Variants in RBFOX3 observed in about 807,000 individuals in gnomAD.
RBFOX3 encodes the protein RNA binding fox-1 homolog 3.
Under a neutral mutation model 48.7 loss-of-function variants are expected in RBFOX3, and 17 were observed. That is an observed-to-expected ratio of 0.35 (90% CI 0.24 to 0.52). The LOEUF (loss-of-function observed/expected upper bound fraction) is 0.52. Among genes scored for constraint, RBFOX3 ranks in the 20% least tolerant of loss-of-function variants. The probability of loss-of-function intolerance (pLI) is 0.94; values close to 1 mark genes in which losing one functional copy is unlikely to be tolerated. For synonymous variants in RBFOX3, 212 were observed against 209.5 expected (o/e 1.01, Z -0.10); for missense variants, 382 against 497.5 (o/e 0.77, Z 2.21).
chr17:79,175,274 T>G (rs1422591330), intron 4 of RBFOX3, among the ~76,000 whole-genome samples: 1 of 152,232 alleles, frequency 6.6e-6, no homozygotes. Flanking sequence ...ATCCTCGCTC[T>G]TTCACATAAG....
intron 3 of RBFOX3, among the ~76,000 whole-genome samples, chr17:79,298,825 A>C (rs1287352267): frequency 6.6e-6 from 1 of 152,158 alleles, no homozygotes; most frequent in Non-Finnish European, 1.5e-5. Flanking sequence ...ATGAAGTGGA[A>C]GAGGGTGGAG....
intron 2 of RBFOX3, among the ~76,000 whole-genome samples, chr17:79,449,929 A>G (rs550910229): frequency 6.6e-6 from 1 of 152,294 alleles, no homozygotes; most frequent in South Asian, 2.1e-4. Context: ...TCGTTAATTA[A>G]TCACTCATTA....
chr17:79,232,761 T>C (rs2061187181), intron 4 of RBFOX3, among the ~76,000 whole-genome samples: 1 of 152,152 alleles, frequency 6.6e-6, no homozygotes. Context: ...ACCATACGAA[T>C]AGATTCTCAA....
At chr17:79,656,263 T>A in the RBFOX3 span, among the ~76,000 whole-genome samples, 1 of 152,130 alleles carries the variant, frequency 6.6e-6, no homozygotes, top group East Asian at 1.9e-4. Context: ...TACCCTTGTC[T>A]CCAAAGCAGC....
intron 1 of RBFOX3, among the ~76,000 whole-genome samples, chr17:79,498,378 C>T (rs1371238478): frequency 6.6e-6 from 1 of 152,308 alleles, no homozygotes; most frequent in Non-Finnish European, 1.5e-5. Flanking sequence ...CCCACTCATC[C>T]ATCCACCCAT....
chr17:79,602,694 T>C (rs2093733119), intron 1 of RBFOX3, among the ~76,000 whole-genome samples: 1 of 152,140 alleles, frequency 6.6e-6, no homozygotes, highest in Non-Finnish European at 1.5e-5. Context: ...TTTGCAAAGC[T>C]GTGCTTCGGT....
the RBFOX3 span, among the ~76,000 whole-genome samples, chr17:79,648,625 G>C: frequency 0.47 from 71,377 of 151,956 alleles, 19,668 homozygotes; most frequent in African/African-American, 0.77. Flanking sequence ...CGTTGGGGCC[G>C]ATGGGGGCAT....
intron 2 of RBFOX3, among the ~76,000 whole-genome samples, chr17:79,446,380 G>A (rs1568266041): frequency 3.3e-5 from 5 of 152,202 alleles, no homozygotes; most frequent in African/African-American, 1.2e-4. Context: ...GGGAGGAGAG[G>A]AATGATTGTG....
rs117838895 is a variant in RBFOX3 at position 79,205,036 on chromosome 17, A to G, written c.-34+30730T>C. ...AGTCATCACAACGGGAAACTGCAGT[A>G]CCATATCCAGTTCCAGGTCTAAGGC... is the stretch of plus-strand genomic sequence containing the variant. On this transcript the variant is annotated intron_variant, in intron 4 of 14. Coordinates refer to ENST00000693108, the MANE Select transcript of RBFOX3 (RefSeq NM_001350451.2). This position sits in a 1 kb window ranked among gnomAD's most constrained non-coding sequence, Gnocchi z 4.5. Among the ~76,000 whole-genome samples, 543 of 152,288 alleles carry G rather than the reference A, an allele frequency of 3.6e-3. 5 individuals carry two copies. The highest frequency in any genetic ancestry group is 0.026 in the South Asian group (123 of 4,822).
chr17:79,358,553 C>T (rs1000938486), intron 2 of RBFOX3, among the ~76,000 whole-genome samples: 6 of 152,152 alleles, frequency 3.9e-5, no homozygotes, highest in South Asian at 2.1e-4. Flanking sequence ...CTCTACCTCC[C>T]GGGTTCAAGC....
intron 4 of RBFOX3, among the ~76,000 whole-genome samples, chr17:79,191,525 C>T (rs1045718872): frequency 4.6e-5 from 7 of 152,162 alleles, no homozygotes; most frequent in African/African-American, 1.7e-4. Flanking sequence ...CACAAAGGCC[C>T]GGAGAGGCAT....
intron 3 of RBFOX3, among the ~76,000 whole-genome samples, chr17:79,281,599 T>C (rs1012719524): frequency 6.6e-6 from 1 of 152,182 alleles, no homozygotes; most frequent in Non-Finnish European, 1.5e-5. Flanking sequence ...TTGGCTCAGG[T>C]TGGCTCTCCT....
At chr17:79,573,815 G>C (rs1366672692) in intron 1 of RBFOX3, among the ~76,000 whole-genome samples, 3 of 152,304 alleles carry the variant, frequency 2.0e-5, no homozygotes, top group Non-Finnish European at 1.5e-5. Flanking sequence ...CTGCCCGGTG[G>C]GGGGAGGGTG....
At chr17:79,379,255 T>C (rs2059595375) in intron 2 of RBFOX3, among the ~76,000 whole-genome samples, 1 of 152,144 alleles carries the variant, frequency 6.6e-6, no homozygotes, top group Non-Finnish European at 1.5e-5. Context: ...GGGCTCAGGA[T>C]GGGCCCGCAC....
At chr17:79,537,528 G>A (rs1195934857) in intron 1 of RBFOX3, among the ~76,000 whole-genome samples, 8 of 152,170 alleles carry the variant, frequency 5.3e-5, no homozygotes, top group Non-Finnish European at 1.0e-4. Context: ...GCCAAGGGGG[G>A]ACAGTGTCCT....
At chr17:79,637,611 C>A in the RBFOX3 span, among the ~76,000 whole-genome samples, 1 of 151,596 alleles carries the variant, frequency 6.6e-6, no homozygotes, top group Non-Finnish European at 1.5e-5. Flanking sequence ...AGGAGAATCA[C>A]TTGAACCCAG....
intron 4 of RBFOX3, among the ~76,000 whole-genome samples, chr17:79,148,365 AGCTCAAACAT>A (rs1055642254): frequency 6.6e-6 from 1 of 152,188 alleles, no homozygotes; most frequent in African/African-American, 2.4e-5. Flanking sequence ...TGTTTCTAGA[AGCTCAAACAT>A]GCCCTGTGCC....
chr17:79,509,765 C>G (rs1184176513), intron 1 of RBFOX3, among the ~76,000 whole-genome samples: 4 of 152,060 alleles, frequency 2.6e-5, no homozygotes, highest in African/African-American at 9.7e-5. Flanking sequence ...GCTGGGAGCT[C>G]CGGGCTGTGC....
At chr17:79,141,340 G>T (rs1203614383) in intron 4 of RBFOX3, among the ~76,000 whole-genome samples, 1 of 152,226 alleles carries the variant, frequency 6.6e-6, no homozygotes, top group African/African-American at 2.4e-5. Context: ...CCCCTTTGCT[G>T]CTGGGAGTTA....
Sources: gnomAD v4.1 joint callset for allele counts (sites outside exome capture counted in the v4.1 genomes callset) on GRCh38, gnomAD v4.1.1 for gene constraint, Gnocchi (gnomAD v3.1) non-coding constraint, MANE v1.5 for transcripts, NCBI Gene and HGNC (gene_info 2026-07-23, HGNC 2026-07-21) for gene names.